Variants in ARID1B observed in about 807,000 individuals in gnomAD.
ARID1B encodes the protein AT-rich interactive domain-containing protein 1B.
In ARID1B, 30 loss-of-function variants were observed where a neutral mutation model predicts 212.3. The observed-to-expected ratio is 0.14, with a 90% confidence interval of 0.11 to 0.19. The LOEUF (loss-of-function observed/expected upper bound fraction) is 0.19. Among genes scored for constraint, ARID1B ranks in the 10% least tolerant of loss-of-function variants. The pLI, the probability that ARID1B is intolerant of heterozygous loss-of-function variation, is 1.00. For missense variants in ARID1B, 2,891 were observed against 3,204.0 expected (o/e 0.90, Z 2.36); for synonymous variants, 1,402 against 1,301.7 (o/e 1.08, Z -1.66).
At chr6:156,895,245 T>G (rs1321305753) in intron 2 of ARID1B, among the ~76,000 whole-genome samples, 1 of 152,224 alleles carries the variant, frequency 6.6e-6, no homozygotes, top group South Asian at 2.1e-4. Context: ...ATAGGGAAAT[T>G]AGTGACCCTT....
chr6:156,819,169 T>C (rs1782185316), intron 1 of ARID1B, among the ~76,000 whole-genome samples: 1 of 152,208 alleles, frequency 6.6e-6, no homozygotes, highest in Admixed American at 6.5e-5. Flanking sequence ...TGTATTTGTA[T>C]GGGAAATATA....
chr6:156,910,360 T>C (rs1022233349), intron 3 of ARID1B, among the ~76,000 whole-genome samples: 4 of 152,220 alleles, frequency 2.6e-5, no homozygotes, highest in African/African-American at 9.6e-5. Context: ...ATTTCTCTTT[T>C]CTGTTTAGTG....
intron 4 of ARID1B, among the ~76,000 whole-genome samples, chr6:156,944,641 A>G (rs1308599520): frequency 6.6e-6 from 1 of 152,206 alleles, no homozygotes; most frequent in African/African-American, 2.4e-5. Context: ...CAAGTTGATC[A>G]TGTGGCAGTT....
chr6:156,779,206 C>G lies in ARID1B; in HGVS notation c.1526C>G (p.Pro509Arg). The G allele has an allele frequency of 7.5e-7, 1 of 1,329,446 alleles. No individual in the cohort carries two copies. Among genetic ancestry groups the G allele is most frequent in the African/African-American group, 1.5e-5 (1 of 64,988 alleles). The allele number at this position is 1,329,446 out of a possible 1,614,324, so 82.4% of individuals were successfully genotyped here. ...TPTLNQLLTS[P>R]SPMMRSYGGS... ...ACCCTCAATCAGCTGCTCACCTCGCCCAGCCCCATGATGCGGAGCTACGGC... is the reference window on the plus strand; with the variant it reads ...ACCCTCAATCAGCTGCTCACCTCGCGCAGCCCCATGATGCGGAGCTACGGC... The change falls in exon 1 of 20, where the codon CCC becomes CGC. Residue 509 changes from proline to arginine, a missense_variant. Pro to Arg is a moderately radical substitution (Grantham distance 103). This residue lies in a region of ARID1B where 1,643 missense variants were observed against 1,544.0 expected (regional missense o/e 1.06). Transcript: ENST00000636930.
At chr6:157,023,426 C>T (rs1321778051) in intron 4 of ARID1B, 1 of 152,188 alleles carries the variant, frequency 6.6e-6, no homozygotes, top group African/African-American at 2.4e-5. Context: ...TTAATTTTCT[C>T]TGTATCTCAG....
intron 3 of ARID1B, among the ~76,000 whole-genome samples, chr6:156,918,617 A>G (rs1235292180): frequency 2.0e-5 from 3 of 152,144 alleles, no homozygotes; most frequent in Admixed American, 6.5e-5. Flanking sequence ...GCTTTGAACC[A>G]TTGCTGAGGG....
intron 5 of ARID1B, among the ~76,000 whole-genome samples, chr6:157,101,848 C>A (rs1196343851): frequency 6.6e-6 from 1 of 152,176 alleles, no homozygotes; most frequent in African/African-American, 2.4e-5. Context: ...GTCTGTCATT[C>A]AGACTCCAGA....
rs532044857 is a variant in ARID1B at position 157,060,165 on chromosome 6, A to G, written c.2248-24497A>G. 3.1e-3 allele frequency among the ~76,000 whole-genome samples: 472 copies of G among 152,356 alleles called. 5 individuals are homozygous for G. Among genetic ancestry groups the G allele is most frequent in the African/African-American group, 0.011 (451 of 41,578 alleles). On this transcript the variant is annotated intron_variant, in intron 4 of 19. Transcript: ENST00000636930. ...GATACCAGTACTAAAGAGACCGCTG[A>G]TAAGTCCACATCTGGGAAAACAATC...
chr6:156,926,009 A>G (rs997236474), intron 3 of ARID1B, among the ~76,000 whole-genome samples: 2 of 152,186 alleles, frequency 1.3e-5, no homozygotes, highest in African/African-American at 2.4e-5. Context: ...ATGAATAGTG[A>G]AGTTGGCATT....
At chr6:156,851,032 G>A (rs1784548927) in intron 2 of ARID1B, among the ~76,000 whole-genome samples, 1 of 152,190 alleles carries the variant, frequency 6.6e-6, no homozygotes, top group African/African-American at 2.4e-5. Flanking sequence ...ATTGGGCAGT[G>A]TTTTTGAATG....
chr6:156,886,413 C>T (rs1177196666), intron 2 of ARID1B, among the ~76,000 whole-genome samples: 1 of 152,090 alleles, frequency 6.6e-6, no homozygotes, highest in East Asian at 1.9e-4. Context: ...CATTTACAGG[C>T]TTCCTTCCTC....
chr6:157,156,079 A>G (rs1233407649), intron 8 of ARID1B, among the ~76,000 whole-genome samples: 1 of 152,158 alleles, frequency 6.6e-6, no homozygotes. Context: ...ACGTTAATGG[A>G]GATAGTGCAT....
At chr6:157,109,076 C>T (rs1786706618) in intron 5 of ARID1B, among the ~76,000 whole-genome samples, 1 of 152,172 alleles carries the variant, frequency 6.6e-6, no homozygotes, top group Non-Finnish European at 1.5e-5. Flanking sequence ...CCTCTGACTG[C>T]CACAGATACC....
At chr6:157,112,831 G>T (rs1280940386) in intron 6 of ARID1B, among the ~76,000 whole-genome samples, 1 of 151,866 alleles carries the variant, frequency 6.6e-6, no homozygotes, top group Non-Finnish European at 1.5e-5. Context: ...TATGATTATT[G>T]TTTTTCCTTC....
chr6:156,905,590 T>C (rs1789310734), intron 3 of ARID1B, among the ~76,000 whole-genome samples: 1 of 152,214 alleles, frequency 6.6e-6, no homozygotes, highest in Non-Finnish European at 1.5e-5. Context: ...CTTTCCCTGA[T>C]GCCACTAAAA....
chr6:156,882,998 C>T (rs1318069064), intron 2 of ARID1B, among the ~76,000 whole-genome samples: 1 of 152,160 alleles, frequency 6.6e-6, no homozygotes, highest in African/African-American at 2.4e-5. Flanking sequence ...AGGGAGAGTT[C>T]GCTGTCTTAA....
At position 157,056,496 on chromosome 6, in the gene ARID1B, T is replaced by A. The variant is rs534015289; in HGVS notation, c.2248-28166T>A. Among the ~76,000 whole-genome samples the A allele has an allele frequency of 5.9e-5, 9 of 152,368 alleles. No homozygotes were observed. In the South Asian group the frequency reaches 1.0e-3, roughly 18 times the overall value. On this transcript the variant is annotated intron_variant, in intron 4 of 19. Transcript: ENST00000636930. ...ATAAGTAATTTCTTACTACAGGCTCTTACTGTGCAGTTGATGCACTTCTGG... is the reference window on the plus strand; with the variant it reads ...ATAAGTAATTTCTTACTACAGGCTCATACTGTGCAGTTGATGCACTTCTGG...
At chr6:156,852,359 G>C (rs1784636280) in intron 2 of ARID1B, among the ~76,000 whole-genome samples, 1 of 151,754 alleles carries the variant, frequency 6.6e-6, no homozygotes, top group African/African-American at 2.4e-5. Context: ...GAAGTGGGAG[G>C]ACCCTTTGAG....
chr6:157,074,230 T>G lies in ARID1B; in HGVS notation c.2248-10432T>G, dbSNP rs143457130. On this transcript the variant is annotated intron_variant, in intron 4 of 19. Coordinates refer to ENST00000636930, the MANE Select transcript of ARID1B (RefSeq NM_001374828.1). ...TCAGATTGTTTTTTGTTTGTTTGTT[T>G]GTTGGTTTGTTTGAGACAGAGTCTC... 1.1e-3 allele frequency among the ~76,000 whole-genome samples: 170 copies of G among 152,270 alleles called. 2 individuals are homozygous for G. In the East Asian group the frequency reaches 0.026, roughly 23 times the overall value.
Sources: allele counts gnomAD v4.1 joint callset (sites outside exome capture counted in the v4.1 genomes callset), GRCh38; gene constraint gnomAD v4.1.1; regional missense constraint gnomAD v4.1.1; transcripts MANE v1.5; gene names NCBI Gene and HGNC (gene_info 2026-07-23, HGNC 2026-07-21).